Variants in ITGA11 observed in about 807,000 individuals in gnomAD.
ITGA11 encodes integrin alpha-11.
ITGA11 carries 97 observed loss-of-function variants against 141.9 expected under a neutral mutation model. That is an observed-to-expected ratio of 0.68 (90% confidence interval 0.58 to 0.81). ITGA11 has a LOEUF of 0.81. Ranked by LOEUF, ITGA11 falls within the 30% of genes least tolerant of loss-of-function variation. The pLI is 0.00. For synonymous variants in ITGA11, 658 were observed against 624.6 expected, an observed-to-expected ratio of 1.05 and a Z score of -0.80; for missense variants, 1,387 against 1,559.2, an observed-to-expected ratio of 0.89 and a Z score of 1.86.
At chr15:68,315,781 C>T (rs1023517383) in intron 21 of ITGA11, 54 bp from the exon 22 acceptor site, 1 of 1,408,450 alleles carries the variant, frequency 7.1e-7, no homozygotes, top group Non-Finnish European at 9.7e-7. Context: ...CCCGCCCACT[C>T]CCCACAGCCC....
chr15:68,348,835 C>G lies in ITGA11; in HGVS notation c.1126G>C (p.Val376Leu). Residue 376 changes from valine (V) to leucine (L), a missense_variant, in exon 10 of 30, where the codon GTG becomes CTG. Val to Leu is a conservative substitution (Grantham distance 32, BLOSUM62 1). Transcript: ENST00000315757. ...MSQTGFSSHV[V>L]EDGVLLGAVG... ...CCCGTACCTCCACCACATACCTCCA[C>G]CACGTGCGAGGAAAAGCCCGTCTGT... is the stretch of plus-strand genomic sequence containing the variant. The G allele has an allele frequency of 6.2e-7, 1 of 1,607,786 alleles. No homozygotes were observed. Among genetic ancestry groups the G allele is most frequent in the Non-Finnish European group, 8.5e-7 (1 of 1,177,170 alleles).
At chr15:68,345,461 C>G (rs1178264030) in intron 10 of ITGA11, among the ~76,000 whole-genome samples, 1 of 152,180 alleles carries the variant, frequency 6.6e-6, no homozygotes, top group Non-Finnish European at 1.5e-5. Context: ...ACCCTGGGCT[C>G]TGGTCCCTTC....
At chr15:68,317,170 T>C in intron 21 of ITGA11, 95 bp downstream of exon 21, 1 of 856,668 alleles carries the variant, frequency 1.2e-6, no homozygotes, top group South Asian at 1.3e-5. Context: ...CCTGGTCTTC[T>C]GTGTTCACTC....
chr15:68,341,709 C>T (rs1413205721), intron 10 of ITGA11, among the ~76,000 whole-genome samples: 1 of 152,242 alleles, frequency 6.6e-6, no homozygotes, highest in African/African-American at 2.4e-5. Context: ...AACTGCAGAC[C>T]TGGCTTCTGT....
At chr15:68,377,359 C>T (rs1285047809) in intron 2 of ITGA11, among the ~76,000 whole-genome samples, 2 of 152,154 alleles carry the variant, frequency 1.3e-5, no homozygotes, top group Non-Finnish European at 2.9e-5. Context: ...GCAACCTCCA[C>T]CCCGCTGGGT....
At chr15:68,315,052 G>T (rs191227275) in intron 22 of ITGA11, among the ~76,000 whole-genome samples, 4 of 152,272 alleles carry the variant, frequency 2.6e-5, no homozygotes, top group Non-Finnish European at 4.4e-5. Context: ...CCTCTGAGAG[G>T]CCTGGGAGAC....
At chr15:68,422,221 C>T (rs1473804636) in intron 1 of ITGA11, among the ~76,000 whole-genome samples, 1 of 152,120 alleles carries the variant, frequency 6.6e-6, no homozygotes, top group Admixed American at 6.5e-5. Context: ...CTTGCACGCT[C>T]CCTAGCAACA....
chr15:68,323,122 C>T (rs1322560355), intron 18 of ITGA11, among the ~76,000 whole-genome samples: 1 of 152,222 alleles, frequency 6.6e-6, no homozygotes. Context: ...GATCCACACG[C>T]TCTTGCTTTA....
chr15:68,352,781 C>T (rs999305196), intron 7 of ITGA11, among the ~76,000 whole-genome samples: 1 of 152,128 alleles, frequency 6.6e-6, no homozygotes, highest in African/African-American at 2.4e-5. Context: ...CAATCCAGCC[C>T]AGGAGACAGC....
chr15:68,413,486 G>A (rs1219492364), intron 1 of ITGA11, among the ~76,000 whole-genome samples: 2 of 152,192 alleles, frequency 1.3e-5, no homozygotes, highest in South Asian at 2.1e-4. Flanking sequence ...CACTGGGCAG[G>A]CAACAGACAT....
chr15:68,360,607 G>A (rs1895212026), intron 5 of ITGA11, among the ~76,000 whole-genome samples: 1 of 152,156 alleles, frequency 6.6e-6, no homozygotes, highest in Non-Finnish European at 1.5e-5. Context: ...AGGTGAGGAG[G>A]CCTCCACCAC....
rs1424674629 is a variant in ITGA11 at position 68,350,699 on chromosome 15, G to C, written c.978C>G (p.Asp326Glu). The C allele has an allele frequency of 3.7e-6, 6 of 1,613,792 alleles. No homozygotes were observed. The African/African-American group carries it at 8.0e-5, about 22-fold the overall frequency. Residue 326 changes from aspartate to glutamate, a missense_variant, in exon 9 of 30, where the codon GAC (aspartate) becomes GAG (glutamate). By Grantham distance (45) the Asp-to-Glu change is conservative. Transcript: ENST00000315757. Reference protein sequence around the residue: ...EIKYIASDPDDKHFFNVTDEA... With the variant: ...EIKYIASDPDEKHFFNVTDEA... Reference sequence around the variant, plus strand: ...CATCAGTGACATTGAAGAAGTGCTTGTCATCAGGGTCACTGGCGATGTATT... The same window carrying C: ...CATCAGTGACATTGAAGAAGTGCTTCTCATCAGGGTCACTGGCGATGTATT...
rs4777035 is a variant in ITGA11 at position 68,312,831 on chromosome 15, G to A, written c.2915C>T (p.Pro972Leu). ...SSSLSHYEVK[P>L]NSSLERYDGI... ...ATCGTATCTCTCCAGCGAGCTGTTGGGCTTGACCTCGTAGTGGCTCAGGCT... is the reference window on the plus strand; with the variant it reads ...ATCGTATCTCTCCAGCGAGCTGTTGAGCTTGACCTCGTAGTGGCTCAGGCT... The change falls in exon 24 of 30, where the codon CCC (proline) becomes CTC (leucine). Residue 972 changes from proline to leucine, a missense_variant. Physicochemically the swap from Pro to Leu is moderately conservative, Grantham distance 98. Transcript: ENST00000315757. 0.63 allele frequency: 1,008,199 copies of A among 1,612,034 alleles called. 321,505 individuals are homozygous for A. The highest frequency in any genetic ancestry group is 0.93 in the East Asian group (41,864 of 44,828).
In ITGA11 at chr15:68,305,471, T is replaced by C. The variant is rs953249952; in HGVS notation, c.3382-1586A>G. ...TGTCTGTTTTGTCCCTGCTCTATCCTCAGAACCTGGAGCCGTGCCGGGAAT... is the reference window on the plus strand; with the variant it reads ...TGTCTGTTTTGTCCCTGCTCTATCCCCAGAACCTGGAGCCGTGCCGGGAAT... On this transcript the variant is annotated intron_variant, in intron 28 of 29. Transcript: ENST00000315757. The surrounding 1 kb of genome is among the most constrained non-coding windows in gnomAD (Gnocchi z 4.6). Among the ~76,000 whole-genome samples, 15 of 152,104 alleles carry C rather than the reference T, an allele frequency of 9.9e-5. No homozygotes were observed. Among genetic ancestry groups the C allele is most frequent in the Non-Finnish European group, 1.3e-4 (9 of 68,020 alleles).
At chr15:68,320,729 T>C (rs1487865959) in intron 19 of ITGA11, among the ~76,000 whole-genome samples, 1 of 152,234 alleles carries the variant, frequency 6.6e-6, no homozygotes, top group African/African-American at 2.4e-5. Flanking sequence ...TCAGCACTAA[T>C]GTAGAGATAA....
chr15:68,335,883 G>C lies in ITGA11; in HGVS notation c.1277-38C>G. On this transcript the variant is annotated intron_variant, in intron 11 of 29. Coordinates refer to ENST00000315757, the MANE Select transcript of ITGA11 (RefSeq NM_001004439.2). This position sits in a 1 kb window ranked among gnomAD's most constrained non-coding sequence, Gnocchi z 4.9. Reference sequence around the variant, plus strand: ...GAAACAGGCTGATCTTTGGCACCGTGTCCTCAGCAGGCGTTGCTTGGCCCG... The same window carrying C: ...GAAACAGGCTGATCTTTGGCACCGTCTCCTCAGCAGGCGTTGCTTGGCCCG... 1 of 1,596,424 alleles carries C rather than the reference G, an allele frequency of 6.3e-7. No individual in the cohort carries two copies. Among genetic ancestry groups the C allele is most frequent in the Non-Finnish European group, 8.5e-7 (1 of 1,171,028 alleles).
In ITGA11 at chr15:68,410,466, G is replaced by A. The variant is rs550460008; in HGVS notation, c.53-7437C>T. Reference sequence around the variant, plus strand: ...AATCACAGAGAGGGAGAGGAGGAGGGAGAAAAGACCATAAGCTGGCCTAGG... The same window carrying A: ...AATCACAGAGAGGGAGAGGAGGAGGAAGAAAAGACCATAAGCTGGCCTAGG... On this transcript the variant is annotated intron_variant, in intron 1 of 29. Coordinates refer to ENST00000315757, the MANE Select transcript of ITGA11 (RefSeq NM_001004439.2). Among the ~76,000 whole-genome samples, 13 of 152,302 alleles carry A rather than the reference G, an allele frequency of 8.5e-5. No individual in the cohort carries two copies. The South Asian group carries it at 2.7e-3, about 32-fold the overall frequency.
chr15:68,351,436 G>T, intron 7 of ITGA11, 34 bp from the exon 8 acceptor site: 1 of 1,609,616 alleles, frequency 6.2e-7, no homozygotes, highest in Middle Eastern at 1.7e-4. Context: ...GGTCATGAAA[G>T]GTAAGTGGGA....
chr15:68,342,297 C>A (rs1330423685), intron 10 of ITGA11, among the ~76,000 whole-genome samples: 2 of 152,236 alleles, frequency 1.3e-5, no homozygotes, highest in Admixed American at 1.3e-4. Context: ...TTATAGCCTC[C>A]TTTCCTATGT....
Sources: gnomAD v4.1 joint callset for allele counts (sites outside exome capture counted in the v4.1 genomes callset) on GRCh38, gnomAD v4.1.1 for gene constraint, Gnocchi (gnomAD v3.1) non-coding constraint, MANE v1.5 for transcripts, NCBI Gene and HGNC (gene_info 2026-07-23, HGNC 2026-07-21) for gene names.